UBE2D1: variants seen among roughly 807,000 people sequenced by gnomAD.
The protein encoded by UBE2D1 is ubiquitin-conjugating enzyme E2 D1.
In UBE2D1, 9 loss-of-function variants were observed where a neutral mutation model predicts 24.6. The ratio of observed to expected loss-of-function variants is 0.37; its 90% CI spans 0.22 to 0.64. UBE2D1 has a LOEUF of 0.64. UBE2D1 is among the 30% of genes least tolerant of loss of function. The pLI, the probability that UBE2D1 is intolerant of heterozygous loss-of-function variation, is 0.64. For synonymous variants in UBE2D1, 57 were observed against 57.6 expected (o/e 0.99, Z 0.04); for missense variants, 87 against 177.1 (o/e 0.49, Z 2.89).
chr10:58,349,154 T>C (rs1202508705), intron 1 of UBE2D1, among the ~76,000 whole-genome samples: 1 of 152,224 alleles, frequency 6.6e-6, no homozygotes, highest in Non-Finnish European at 1.5e-5. Flanking sequence ...TGTAAGTGCT[T>C]TTATAGTTCT....
chr10:58,364,968 A>G (rs529512395), intron 5 of UBE2D1, 92 bp downstream of exon 5: 1 of 987,972 alleles, frequency 1.0e-6, no homozygotes, highest in East Asian at 2.5e-5. Flanking sequence ...TTAAAACAAC[A>G]ATCAACTGTG....
chr10:58,347,227 T>C (rs1840026706), intron 1 of UBE2D1, among the ~76,000 whole-genome samples: 1 of 152,200 alleles, frequency 6.6e-6, no homozygotes, highest in African/African-American at 2.4e-5. Flanking sequence ...AGAAGGAGAA[T>C]CTGAACAATT....
rs1362271784 is a variant in UBE2D1 at position 58,335,183 on chromosome 10, C to G, written c.-19C>G. 1.3e-6 allele frequency: 2 copies of G among 1,545,234 alleles called. No homozygotes were observed. Among genetic ancestry groups the G allele is most frequent in the Non-Finnish European group, 1.7e-6 (2 of 1,148,438 alleles). Reference sequence around the variant, plus strand: ...AGCCGACCCCTGCCGGCCGGTGTCCCCACCGCCATCCCTGACCCATGGCGC... The same window carrying G: ...AGCCGACCCCTGCCGGCCGGTGTCCGCACCGCCATCCCTGACCCATGGCGC... On this transcript the variant is annotated 5_prime_UTR_variant, in exon 1 of 7. Transcript: ENST00000373910.
intron 1 of UBE2D1, 123 bp downstream of exon 1, chr10:58,335,348 C>A: frequency 8.4e-7 from 1 of 1,191,774 alleles, no homozygotes; most frequent in Non-Finnish European, 1.1e-6. Context: ...GGGGTGCGGG[C>A]AGGGAGCTGA....
intron 1 of UBE2D1, among the ~76,000 whole-genome samples, chr10:58,355,719 T>C (rs1401255440): frequency 1.3e-5 from 2 of 152,220 alleles, no homozygotes; most frequent in Non-Finnish European, 2.9e-5. Context: ...ACAAAAAAGT[T>C]GTTAAAATAA....
intron 5 of UBE2D1, among the ~76,000 whole-genome samples, chr10:58,367,070 C>T (rs1840263521): frequency 6.6e-6 from 1 of 152,118 alleles, no homozygotes; most frequent in South Asian, 2.1e-4. Context: ...GTTCATAACA[C>T]CCCCCCACCC....
chr10:58,365,903 A>T (rs915064027), intron 5 of UBE2D1, among the ~76,000 whole-genome samples: 14 of 152,186 alleles, frequency 9.2e-5, no homozygotes, highest in Admixed American at 9.2e-4. Flanking sequence ...GGTTTATAGG[A>T]AGCAGGGTCC....
At chr10:58,360,625 G>A (rs1459322439) in intron 1 of UBE2D1, among the ~76,000 whole-genome samples, 1 of 152,122 alleles carries the variant, frequency 6.6e-6, no homozygotes, top group Non-Finnish European at 1.5e-5. Flanking sequence ...CCCATTTCAA[G>A]TTGTCCTTAA....
intron 1 of UBE2D1, among the ~76,000 whole-genome samples, chr10:58,342,839 T>G (rs1325780440): frequency 6.8e-6 from 1 of 147,458 alleles, no homozygotes; most frequent in African/African-American, 2.6e-5. Context: ...TTTTTGTTTT[T>G]TTTTTTTTGA....
At chr10:58,356,540 T>C (rs954334641) in intron 1 of UBE2D1, among the ~76,000 whole-genome samples, 1 of 152,164 alleles carries the variant, frequency 6.6e-6, no homozygotes, top group African/African-American at 2.4e-5. Flanking sequence ...GATGCTGCAG[T>C]AAATATCCTT....
intron 1 of UBE2D1, among the ~76,000 whole-genome samples, chr10:58,345,419 G>A (rs1840005625): frequency 6.6e-6 from 1 of 152,176 alleles, no homozygotes; most frequent in South Asian, 2.1e-4. Context: ...AGATTACAGT[G>A]AGCTGTGATT....
At chr10:58,354,038 C>T (rs1840104509) in intron 1 of UBE2D1, among the ~76,000 whole-genome samples, 1 of 151,624 alleles carries the variant, frequency 6.6e-6, no homozygotes, top group South Asian at 2.1e-4. Flanking sequence ...AGAAGAGGAA[C>T]AGATGGGGGA....
chr10:58,361,654 A>G (rs11593650), intron 3 of UBE2D1, 128 bp downstream of exon 3: 135,029 of 1,239,086 alleles, frequency 0.11, 8,578 homozygotes, highest in Non-Finnish European at 0.13. Flanking sequence ...AGGAAGCAAA[A>G]TATTATTAAG....
chr10:58,367,498 A>G (rs1316430168), intron 5 of UBE2D1, among the ~76,000 whole-genome samples: 1 of 152,138 alleles, frequency 6.6e-6, no homozygotes, highest in Non-Finnish European at 1.5e-5. Flanking sequence ...AAATTTTACA[A>G]ATTTTTCTTC....
At chr10:58,344,145 C>T (rs1298111695) in intron 1 of UBE2D1, among the ~76,000 whole-genome samples, 1 of 152,204 alleles carries the variant, frequency 6.6e-6, no homozygotes, top group Non-Finnish European at 1.5e-5. Flanking sequence ...ATATAAGCTC[C>T]TGAGAAAAGA....
chr10:58,362,917 T>A (rs1204926018), intron 3 of UBE2D1, among the ~76,000 whole-genome samples: 1 of 152,102 alleles, frequency 6.6e-6, no homozygotes, highest in Non-Finnish European at 1.5e-5. Flanking sequence ...TTTCTTTTTT[T>A]AAAATTTTTT....
At chr10:58,355,415 C>T (rs994768888) in intron 1 of UBE2D1, among the ~76,000 whole-genome samples, 3 of 152,066 alleles carry the variant, frequency 2.0e-5, no homozygotes, top group African/African-American at 4.8e-5. Context: ...CCTAGAGTAT[C>T]GGAAGCAGTT....
At chr10:58,348,578 G>A (rs1840040514) in intron 1 of UBE2D1, among the ~76,000 whole-genome samples, 1 of 152,198 alleles carries the variant, frequency 6.6e-6, no homozygotes, top group Admixed American at 6.5e-5. Context: ...CGCTTGCATG[G>A]ACTGTTTAAT....
intron 1 of UBE2D1, among the ~76,000 whole-genome samples, chr10:58,345,893 C>T (rs1168893893): frequency 6.6e-6 from 1 of 151,986 alleles, no homozygotes; most frequent in African/African-American, 2.4e-5. Context: ...CGTTCAGAAA[C>T]AGTAGACCAT....
Sources: gnomAD v4.1 joint callset for allele counts (sites outside exome capture counted in the v4.1 genomes callset) on GRCh38, gnomAD v4.1.1 for gene constraint, MANE v1.5 for transcripts, NCBI Gene and HGNC (gene_info 2026-07-23, HGNC 2026-07-21) for gene names.